The following C12orf50 variants were observed in gnomAD, a reference collection of about 807,000 sequenced individuals.
C12orf50 encodes uncharacterized protein C12orf50.
In C12orf50, 35 loss-of-function variants were observed where a neutral mutation model predicts 61.6. The ratio of observed to expected loss-of-function variants is 0.57; its 90% CI spans 0.43 to 0.75. The LOEUF (loss-of-function observed/expected upper bound fraction) is 0.75. C12orf50 is among the 30% of genes least tolerant of loss of function. C12orf50 has a pLI of 0.00. For synonymous variants in C12orf50, 178 were observed against 161.5 expected (o/e 1.10, Z -0.77); for missense variants, 475 against 488.5 (o/e 0.97, Z 0.26).
intron 3 of C12orf50, among the ~76,000 whole-genome samples, chr12:88,015,071 C>T (rs1039092246): frequency 6.6e-6 from 1 of 151,880 alleles, no homozygotes; most frequent in Non-Finnish European, 1.5e-5. Flanking sequence ...AAAGAATCTG[C>T]CATCCAACAC....
chr12:88,005,213 T>C (rs2031810708), intron 3 of C12orf50, among the ~76,000 whole-genome samples: 1 of 152,248 alleles, frequency 6.6e-6, no homozygotes, highest in Non-Finnish European at 1.5e-5. Context: ...ACTCTGAATA[T>C]TGACTTCTCA....
At chr12:87,998,242 G>A (rs758482585) in intron 3 of C12orf50, 52 bp from the exon 4 acceptor site, 351 of 1,441,566 alleles carry the variant, frequency 2.4e-4, no homozygotes, top group Non-Finnish European at 2.6e-4. Context: ...GTGATGATAA[G>A]TAGATGTAAC....
At chr12:87,989,163 G>T (rs553185963) in intron 8 of C12orf50, 101 bp downstream of exon 8, 4 of 789,820 alleles carry the variant, frequency 5.1e-6, no homozygotes, top group East Asian at 5.5e-5. Context: ...TGTATATTTT[G>T]ATTTATTACC....
intron 3 of C12orf50, among the ~76,000 whole-genome samples, chr12:88,004,879 T>C (rs2031795238): frequency 1.3e-5 from 2 of 152,052 alleles, no homozygotes; most frequent in South Asian, 2.1e-4. Flanking sequence ...TGGGTCCAAC[T>C]TGAGGGTGGA....
intron 7 of C12orf50, 62 bp from the exon 8 acceptor site, chr12:87,989,433 A>G (rs915015234): frequency 9.4e-6 from 11 of 1,172,050 alleles, no homozygotes; most frequent in East Asian, 2.4e-5. Context: ...CTAGCTTTCA[A>G]TACAGGAACA....
chr12:87,989,926 A>G (rs1297237397), intron 7 of C12orf50, among the ~76,000 whole-genome samples: 1 of 152,174 alleles, frequency 6.6e-6, no homozygotes, highest in Non-Finnish European at 1.5e-5. Flanking sequence ...CTTGCCATTC[A>G]TGGAGTAATT....
At chr12:88,000,125 G>A (rs923557957) in intron 3 of C12orf50, among the ~76,000 whole-genome samples, 1 of 151,694 alleles carries the variant, frequency 6.6e-6, no homozygotes, top group Non-Finnish European at 1.5e-5. Flanking sequence ...GTTAATGGGT[G>A]TGGATTTCCT....
chr12:87,991,739 T>C (rs996736723), intron 7 of C12orf50, among the ~76,000 whole-genome samples: 1 of 152,050 alleles, frequency 6.6e-6, no homozygotes, highest in Non-Finnish European at 1.5e-5. Context: ...GGACTGAAAA[T>C]ACTAATTGTG....
At position 88,005,443 on chromosome 12, in the gene C12orf50, G is replaced by A. The variant is rs778868340; in HGVS notation, c.134-7253C>T. Among the ~76,000 whole-genome samples the A allele has an allele frequency of 1.2e-3, 178 of 152,034 alleles. 1 individual carries two copies. Among genetic ancestry groups the A allele is most frequent in the Non-Finnish European group, 2.0e-3 (138 of 68,012 alleles). ...TCTGTTAAGCTGTCCACCTCTGTTG[G>A]TATCACACTGAGATGTTAGCTTCCA... On this transcript the variant is annotated intron_variant, in intron 3 of 12. Coordinates refer to ENST00000298699, the MANE Select transcript of C12orf50 (RefSeq NM_152589.3).
intron 3 of C12orf50, among the ~76,000 whole-genome samples, chr12:88,010,125 G>C (rs1271164703): frequency 6.6e-6 from 1 of 152,000 alleles, no homozygotes; most frequent in African/African-American, 2.4e-5. Context: ...AACAAATCAA[G>C]TGTCCATCTA....
chr12:87,988,948 G>A (rs1349533513), intron 8 of C12orf50, among the ~76,000 whole-genome samples: 6 of 151,946 alleles, frequency 3.9e-5, no homozygotes, highest in African/African-American at 9.7e-5. Context: ...CACAAACAAC[G>A]TTTTCTAACA....
chr12:87,987,748 CTTTT>C (rs1425119672), intron 9 of C12orf50, 98 bp downstream of exon 9: 1 of 787,104 alleles, frequency 1.3e-6, no homozygotes, highest in Non-Finnish European at 2.1e-6. Context: ...ATTTTTAAAC[CTTTT>C]TTCTTTCTTT....
At chr12:88,027,140 T>C (rs1304815535) in intron 1 of C12orf50, 70 bp from the exon 2 acceptor site, 1 of 1,442,242 alleles carries the variant, frequency 6.9e-7, no homozygotes, top group Non-Finnish European at 9.2e-7. Flanking sequence ...AATAGGTTGC[T>C]AATTAGTTAA....
At chr12:88,011,406 A>G (rs1178153761) in intron 3 of C12orf50, among the ~76,000 whole-genome samples, 2 of 152,064 alleles carry the variant, frequency 1.3e-5, no homozygotes, top group Non-Finnish European at 2.9e-5. Context: ...ATTAATTTAG[A>G]ATGATGATGA....
intron 12 of C12orf50, among the ~76,000 whole-genome samples, chr12:87,981,592 A>G (rs1169231051): frequency 1.3e-5 from 2 of 152,128 alleles, no homozygotes; most frequent in Admixed American, 1.3e-4. Context: ...GCTCTCTGAC[A>G]GAAGCAATCT....
At chr12:88,001,459 A>C (rs915545317) in intron 3 of C12orf50, among the ~76,000 whole-genome samples, 1 of 151,214 alleles carries the variant, frequency 6.6e-6, no homozygotes, top group Non-Finnish European at 1.5e-5. Context: ...TTCATAGGAA[A>C]AGTTTGGTCT....
At position 87,996,499 on chromosome 12, in the gene C12orf50, T is replaced by C. The variant is rs1166188577; in HGVS notation, c.368-12A>G. 1.9e-6 allele frequency: 3 copies of C among 1,599,916 alleles called. No homozygotes were observed. The highest frequency in any genetic ancestry group is 2.6e-6 in the Non-Finnish European group (3 of 1,167,650). On this transcript the variant is annotated splice_polypyrimidine_tract_variant and intron_variant, in intron 5 of 12. Coordinates refer to ENST00000298699, the MANE Select transcript of C12orf50 (RefSeq NM_152589.3). ...TCTGTAGTATTCCCCTAATCAACCA[T>C]AAGAAAAGTAATGGTTAGTATATTT...
intron 3 of C12orf50, among the ~76,000 whole-genome samples, chr12:88,005,219 T>A (rs2031810953): frequency 6.6e-6 from 1 of 152,220 alleles, no homozygotes; most frequent in Non-Finnish European, 1.5e-5. Flanking sequence ...AATATTGACT[T>A]CTCATCCTAA....
intron 11 of C12orf50, chr12:87,984,737 T>C (rs924402387): frequency 5.3e-5 from 8 of 152,224 alleles, no homozygotes; most frequent in South Asian, 2.1e-4. Flanking sequence ...TGCATTTCTC[T>C]TGTGTTGACA....
Sources: allele counts gnomAD v4.1 joint callset (sites outside exome capture counted in the v4.1 genomes callset), GRCh38; gene constraint gnomAD v4.1.1; transcripts MANE v1.5; gene names NCBI Gene and HGNC (gene_info 2026-07-23, HGNC 2026-07-21).